CCDC57: variants seen among roughly 807,000 people sequenced by gnomAD.
CCDC57 encodes the protein coiled-coil domain-containing protein 57.
Under a neutral mutation model 118.9 loss-of-function variants are expected in CCDC57, and 118 were observed. The observed-to-expected ratio is 0.99, with a 90% CI of 0.86 to 1.16. The LOEUF is 1.16. Among genes scored for constraint, CCDC57 ranks in the 50% most tolerant of loss-of-function variants. The pLI, the probability that CCDC57 is intolerant of heterozygous loss-of-function variation, is 0.00. For synonymous variants in CCDC57, 527 were observed against 532.9 expected (o/e 0.99, Z 0.15); for missense variants, 1,300 against 1,320.7 (o/e 0.98, Z 0.24).
intron 14 of CCDC57, among the ~76,000 whole-genome samples, chr17:82,159,834 G>A (rs1167655285): frequency 1.3e-5 from 2 of 151,860 alleles, no homozygotes; most frequent in African/African-American, 4.8e-5. Context: ...ACCACACCCG[G>A]CTCATCTTTT....
At chr17:82,173,987 AG>A (rs1212982562) in intron 11 of CCDC57, among the ~76,000 whole-genome samples, 3 of 152,212 alleles carry the variant, frequency 2.0e-5, no homozygotes, top group Non-Finnish European at 4.4e-5. Flanking sequence ...GACACATTAG[AG>A]GAAACACCTG....
chr17:82,188,329 C>T, exon 8 of CCDC57: 1 of 1,607,894 alleles, frequency 6.2e-7, no homozygotes, highest in Non-Finnish European at 8.5e-7. Flanking sequence ...GAACCCTGGT[C>T]TGCAGCTCCT....
At chr17:82,127,513 C>T (rs973012735) in intron 19 of CCDC57, 179 bp downstream of exon 18, 10 of 985,294 alleles carry the variant, frequency 1.0e-5, no homozygotes, top group South Asian at 9.4e-5. Flanking sequence ...CACCATAACC[C>T]GGGAAACACT....
intron 5 of CCDC57, among the ~76,000 whole-genome samples, chr17:82,194,561 C>T (rs1163088850): frequency 6.6e-6 from 1 of 152,108 alleles, no homozygotes; most frequent in East Asian, 1.9e-4. Context: ...CCACCCGCCT[C>T]AGCCTCCCAA....
At position 82,172,916 on chromosome 17, in the gene CCDC57, CT is replaced by C. The variant is rs1388243204; in HGVS notation, c.1507-57del. ...AAGATGAATGGTTCCCCAGCTTGTC[CT>C]GACAGGCTGTGCCTCCGCTCTCCCC... On this transcript the variant is annotated intron_variant, in intron 11 of 19. Coordinates refer to ENST00000665763, the Ensembl canonical transcript of CCDC57. The surrounding 1 kb of genome is among the most constrained non-coding windows in gnomAD (Gnocchi z 5.2). 6.7e-7 allele frequency: 1 copy of C among 1,481,906 alleles called. No individual in the cohort carries two copies. The highest frequency in any genetic ancestry group is 9.2e-7 in the Non-Finnish European group (1 of 1,081,166). 91.8% of individuals were successfully genotyped at this position (1,481,906 alleles called of 1,614,324 possible). A position where few individuals can be genotyped will look rare whatever the true frequency, so the allele number is the denominator to read the frequency against.
At chr17:82,204,862 G>A (rs905286207) in intron 2 of CCDC57, among the ~76,000 whole-genome samples, 11 of 152,166 alleles carry the variant, frequency 7.2e-5, no homozygotes, top group Admixed American at 2.6e-4. Context: ...TCGCTGCCAC[G>A]TGCCCTCAGA....
Position 82,192,166 on chromosome 17 carries a change from G to A in CCDC57, c.851+1590C>T, listed in dbSNP as rs538786597. On this transcript the variant is annotated intron_variant, in intron 7 of 19. Transcript: ENST00000665763. The surrounding 1 kb of genome is among the most constrained non-coding windows in gnomAD (Gnocchi z 4.0). ...ACGCCCGGCTAATTTTGTATTTTTC[G>A]TAGAGACGGGGTTTCACCATGTTGG... Among the ~76,000 whole-genome samples the A allele has an allele frequency of 1.1e-3, 160 of 152,064 alleles. 1 individual carries two copies. The highest frequency in any genetic ancestry group is 3.6e-3 in the African/African-American group (151 of 41,464).
At chr17:82,127,716 T>A (rs1384137289) in exon 19 of CCDC57, 2 of 1,605,386 alleles carry the variant, frequency 1.2e-6, no homozygotes, top group Admixed American at 3.4e-5. Flanking sequence ...CCCTGGGAGG[T>A]GACACCAGAA....
chr17:82,168,993 G>A (rs1254162339), intron 13 of CCDC57, among the ~76,000 whole-genome samples: 1 of 152,176 alleles, frequency 6.6e-6, no homozygotes, highest in Non-Finnish European at 1.5e-5. Flanking sequence ...AATGCTGAAA[G>A]TTCTTCCTCT....
chr17:82,110,508 A>G (rs1313411384), intron 19 of CCDC57, among the ~76,000 whole-genome samples: 1 of 152,184 alleles, frequency 6.6e-6, no homozygotes, highest in African/African-American at 2.4e-5. Flanking sequence ...TTGAGTCATG[A>G]GGCACAGGAG....
At chr17:82,127,114 C>G (rs1412066926) in intron 19 of CCDC57, 1 of 985,334 alleles carries the variant, frequency 1.0e-6, no homozygotes, top group East Asian at 1.1e-4. Flanking sequence ...GGCACTGTGA[C>G]CTGCTGAGTT....
intron 13 of CCDC57, among the ~76,000 whole-genome samples, chr17:82,166,466 G>A (rs972990373): frequency 2.0e-5 from 3 of 151,748 alleles, no homozygotes; most frequent in Non-Finnish European, 2.9e-5. Flanking sequence ...AGTGAGCCAT[G>A]ATAATGCCGT....
At chr17:82,122,746 C>G (rs1235530927) in intron 19 of CCDC57, among the ~76,000 whole-genome samples, 2 of 152,214 alleles carry the variant, frequency 1.3e-5, no homozygotes, top group African/African-American at 4.8e-5. Flanking sequence ...GCCCTGCACA[C>G]GGGCACCGAG....
chr17:82,178,481 C>A (rs1242402965), exon 11 of CCDC57: 1 of 1,609,326 alleles, frequency 6.2e-7, no homozygotes, highest in Non-Finnish European at 8.5e-7. Context: ...CACCTGTGCC[C>A]CTGGTCTGGG....
At chr17:82,135,101 A>G (rs1030498400) in intron 16 of CCDC57, 85 of 125,032 alleles carry the variant, frequency 6.8e-4, no homozygotes, top group African/African-American at 2.4e-3. Flanking sequence ...GGAAATTGAA[A>G]CAGACATTTT....
intron 13 of CCDC57, among the ~76,000 whole-genome samples, chr17:82,166,945 A>C (rs556131814): frequency 1.0e-3 from 156 of 149,464 alleles, no homozygotes; most frequent in South Asian, 8.1e-3. Flanking sequence ...ACAACAACAA[A>C]AAAAAAGGAA....
At chr17:82,121,045 G>A (rs62080001) in intron 19 of CCDC57, among the ~76,000 whole-genome samples, 79,528 of 151,506 alleles carry the variant, frequency 0.52, 21,629 homozygotes, top group Non-Finnish European at 0.58. Context: ...GTGAGCTACC[G>A]CGCCCGGCCT....
chr17:82,164,451 T>G (rs8078950), intron 13 of CCDC57, among the ~76,000 whole-genome samples: 70,903 of 151,958 alleles, frequency 0.47, 17,341 homozygotes, highest in East Asian at 0.88. Context: ...ACGTTAGTAT[T>G]AGATACTGAG....
rs2036167085 is a variant in CCDC57, at chr17:82,118,105, CA to C, written c.2899+9586del. Among the ~76,000 whole-genome samples, 2 of 152,152 alleles carry C rather than the reference CA, an allele frequency of 1.3e-5. No homozygotes were observed. The highest frequency in any genetic ancestry group is 4.8e-5 in the African/African-American group (2 of 41,422). ...GTGTGTACTGACATAAAAAATACTG[CA>C]GACATAAATAAAAAAGCAAGCTGCC... On this transcript the variant is annotated intron_variant, in intron 19 of 19. Coordinates refer to ENST00000665763, the Ensembl canonical transcript of CCDC57. This position sits in a 1 kb window ranked among gnomAD's most constrained non-coding sequence, Gnocchi z 4.7.
Sources: allele counts gnomAD v4.1 joint callset (sites outside exome capture counted in the v4.1 genomes callset), GRCh38; gene constraint gnomAD v4.1.1; non-coding constraint Gnocchi (gnomAD v3.1); transcripts MANE v1.5; gene names NCBI Gene and HGNC (gene_info 2026-07-23, HGNC 2026-07-21).